PCDH8: variants seen among roughly 807,000 people sequenced by gnomAD.
PCDH8 encodes protocadherin-8.
PCDH8 carries 36 observed loss-of-function variants against 58.2 expected under a neutral mutation model. The ratio of observed to expected loss-of-function variants is 0.62; its 90% CI spans 0.47 to 0.82. The LOEUF (loss-of-function observed/expected upper bound fraction) is 0.82, where lower values mean the gene tolerates loss of function less well. Among genes scored for constraint, PCDH8 ranks in the 40% least tolerant of loss-of-function variants. The pLI is 0.00. For missense variants in PCDH8, 1,493 were observed against 1,567.8 expected, an observed-to-expected ratio of 0.95 and a Z score of 0.81; for synonymous variants, 775 against 728.9, an observed-to-expected ratio of 1.06 and a Z score of -1.02.
In PCDH8 at chr13:52,845,651, G is replaced by C; in HGVS notation, c.2632-19C>G. 6.2e-7 allele frequency: 1 copy of C among 1,612,694 alleles called. No individual in the cohort carries two copies. Among genetic ancestry groups the C allele is most frequent in the Non-Finnish European group, 8.5e-7 (1 of 1,179,400 alleles). ...CGTAGGGCTGCAGCAGGGAATAGGG[G>C]AATGGGAGTGGGGGGAGGGTTGGAT... On this transcript the variant is annotated intron_variant, in intron 1 of 2. Transcript: ENST00000377942.
rs1301047695 is a variant in PCDH8 at position 52,846,956 on chromosome 13, G to T, written c.1481C>A (p.Ala494Glu). 5.0e-6 allele frequency: 8 copies of T among 1,596,328 alleles called. No individual in the cohort carries two copies. The African/African-American group carries it at 9.4e-5, about 19-fold the overall frequency. ...ATAGACCGGCCGCGTGAAGAGCGGC[G>T]CGTTGTCGTTCTCGTCGCCCACACG... ...TVRVGDENDN[A>E]PLFTRPVYEV... The change falls in exon 1 of 3, where the codon GCG (alanine) becomes GAG (glutamate). Residue 494 changes from alanine to glutamate, a missense_variant. Ala to Glu is a moderately radical substitution (Grantham distance 107, BLOSUM62 -1). Coordinates refer to ENST00000377942, the MANE Select transcript of PCDH8 (RefSeq NM_002590.4).
In PCDH8 at chr13:52,844,623, G is replaced by A. The variant is rs748153769; in HGVS notation, c.3150C>T (p.Pro1050=). Residue 1050 remains proline (P), a synonymous_variant, in exon 3 of 3, where the codon CCC becomes CCT. Transcript: ENST00000377942. ...ACCTGCCAGGAGGGGACTGGTAGAG[G>A]GGTACTCCAATCTCCTGCAGGTCTG... is the stretch of plus-strand genomic sequence containing the variant. ...RLPDLQEIGV[P]LYQSPPGRYL... 1 of 1,613,244 alleles carries A rather than the reference G, an allele frequency of 6.2e-7. No homozygotes were observed. The highest frequency in any genetic ancestry group is 8.5e-7 in the Non-Finnish European group (1 of 1,179,442).
At position 52,847,885 on chromosome 13, in the gene PCDH8, C is replaced by T. The variant is rs1229746356; in HGVS notation, c.552G>A (p.Glu184=). ...GAGCGCCGTCCGCTCGCGTCTGCAG[C>T]TCCACGCGAAAGGGGCTGTGCGGCT... ...LAEPHSPFRV[E]LQTRADGAQC... is the part of the protein sequence containing the mutation. Residue 184 remains glutamate (E), a synonymous_variant, in exon 1 of 3, where the codon GAG becomes GAA. Coordinates refer to ENST00000377942, the MANE Select transcript of PCDH8 (RefSeq NM_002590.4). The T allele has an allele frequency of 1.3e-6, 2 of 1,551,034 alleles. No homozygotes were observed. The highest frequency in any genetic ancestry group is 1.7e-6 in the Non-Finnish European group (2 of 1,153,744).
At position 52,848,225 on chromosome 13, in the gene PCDH8, C is replaced by G. The variant is rs774233439; in HGVS notation, c.212G>C (p.Ser71Thr). Residue 71 changes from serine (S) to threonine (T), a missense_variant, in exon 1 of 3, where the codon AGC becomes ACC. Ser to Thr is a moderately conservative substitution (Grantham distance 58). This residue lies in a region of PCDH8 where 1,307 missense variants were observed against 1,362.7 expected (regional missense o/e 0.96). Transcript: ENST00000377942. ...GCCTTCGCGCACCCGGAGCAGAGAG[C>G]TGTTGAATTGCTTCATCAGGCGGAA... Reference protein sequence around the residue: ...TSFRLMKQFNSSLLRVREGDG... With the variant: ...TSFRLMKQFNTSLLRVREGDG... The G allele has an allele frequency of 6.2e-7, 1 of 1,613,534 alleles. No individual in the cohort carries two copies. The highest frequency in any genetic ancestry group is 8.5e-7 in the Non-Finnish European group (1 of 1,179,966).
Position 52,846,427 on chromosome 13 carries a change from C to G in PCDH8, c.2010G>C (p.Glu670Asp), listed in dbSNP as rs770952746. 32 of 1,600,098 alleles carry G rather than the reference C, an allele frequency of 2.0e-5. No individual in the cohort carries two copies. The highest frequency in any genetic ancestry group is 2.7e-5 in the Non-Finnish European group (32 of 1,179,206). Residue 670 changes from glutamate to aspartate, a missense_variant, in exon 1 of 3, where the codon GAG (glutamate) becomes GAC (aspartate). By Grantham distance (45) the Glu-to-Asp change is conservative. This residue lies in a region of PCDH8 where 1,307 missense variants were observed against 1,362.7 expected (regional missense o/e 0.96). Coordinates refer to ENST00000377942, the MANE Select transcript of PCDH8 (RefSeq NM_002590.4). The part of the protein sequence containing the change: ...EAFAIGRRTG[E>D]ILLTGDLSQE... ...GCGAGAGGTCGCCGGTGAGCAGTAT[C>G]TCCCCCGTGCGGCGGCCGATGGCGA...
chr13:52,845,021 G>A, intron 2 of PCDH8, 88 bp from the exon 3 acceptor site: 2 of 1,408,702 alleles, frequency 1.4e-6, no homozygotes, highest in Non-Finnish European at 1.9e-6. Flanking sequence ...GTCAGCCTGG[G>A]TCAGGGCAGC....
At position 52,845,038 on chromosome 13, in the gene PCDH8, G is replaced by C. The variant is rs1965708413; in HGVS notation, c.2840-105C>G. ...CAGCCTGGGTCAGGGCAGCTGAAAG[G>C]AAAGGCTGTGCGCATAGATATACAC... On this transcript the variant is annotated intron_variant, in intron 2 of 2. Transcript: ENST00000377942. 3 of 1,253,488 alleles carry C rather than the reference G, an allele frequency of 2.4e-6. No individual in the cohort carries two copies. The South Asian group carries it at 4.7e-5, about 20-fold the overall frequency. The allele number at this position is 1,253,488 out of a possible 1,614,324, so 77.6% of individuals were successfully genotyped here.
rs1390257559 is a variant in PCDH8, at chr13:52,846,556, G to T, written c.1881C>A (p.Thr627=). ...GSLEVAVPGR[T]AKDTVVARVQ... ...CACGGGCCACAACCGTGTCCTTTGC[G>T]GTGCGCCCAGGCACCGCCACTTCTA... is the stretch of plus-strand genomic sequence containing the variant. Residue 627 remains threonine, a synonymous_variant, in exon 1 of 3, where the codon ACC becomes ACA. Transcript: ENST00000377942. 3 of 1,602,282 alleles carry T rather than the reference G, an allele frequency of 1.9e-6. No homozygotes were observed. Among genetic ancestry groups the T allele is most frequent in the Non-Finnish European group, 2.5e-6 (3 of 1,178,748 alleles).
At position 52,844,819 on chromosome 13, in the gene PCDH8, G is replaced by A. The variant is rs777349184; in HGVS notation, c.2954C>T (p.Ser985Leu). The A allele has an allele frequency of 8.7e-6, 14 of 1,612,752 alleles. No individual in the cohort carries two copies. The Admixed American group carries it at 2.3e-4, about 27-fold the overall frequency. ...CAGTGACGTGCTCTTACAGAAGGTT[G>A]ACATCTGGGCTGGTGGGTGAGGCGA... is the stretch of plus-strand genomic sequence containing the variant. ...HPSPHPPAQM[S>L]TFCKSTSLPR... Residue 985 changes from serine to leucine, a missense_variant, in exon 3 of 3, where the codon TCA (serine) becomes TTA (leucine). Around this residue, in one of 3 missense-constraint regions of PCDH8, gnomAD observed 182 missense variants for 178.9 expected, o/e 1.02. Transcript: ENST00000377942.
chr13:52,844,369 T>A lies in PCDH8; in HGVS notation c.*191A>T. 1 of 461,662 alleles carries A rather than the reference T, an allele frequency of 2.2e-6. No homozygotes were observed. The highest frequency in any genetic ancestry group is 3.8e-6 in the Non-Finnish European group (1 of 264,916). 28.6% of individuals were successfully genotyped at this position (461,662 alleles called of 1,614,324 possible). A position where few individuals can be genotyped will look rare whatever the true frequency, so the allele number is the denominator to read the frequency against. On this transcript the variant is annotated 3_prime_UTR_variant, in exon 3 of 3. Transcript: ENST00000377942. ...TAAGAAAAATTAAATACTGCACACA[T>A]TTCATAAAAATTACATTAACTACAT...
In PCDH8 at chr13:52,843,882, ATAAT is replaced by A. The variant is rs1239026452; in HGVS notation, c.*674_*677del. 3 of 152,474 alleles carry A rather than the reference ATAAT, an allele frequency of 2.0e-5. No individual in the cohort carries two copies. The highest frequency in any genetic ancestry group is 1.9e-4 in the East Asian group (1 of 5,190). The allele number at this position is 152,474 out of a possible 1,614,324, so 9.4% of individuals were successfully genotyped here. ...TGTCATGAACATTAATAATGCCCAA[ATAAT>A]TAGCACTTGAAAGAAGGTTTCATTC... On this transcript the variant is annotated 3_prime_UTR_variant, in exon 3 of 3. Transcript: ENST00000377942.
chr13:52,848,486 T>G lies in PCDH8; in HGVS notation c.-50A>C. ...AAAGGCTAAGGAAGTCTTCTCTGGT[T>G]TCCAGGTCGGGCGTCAGTCTCAGGC... On this transcript the variant is annotated 5_prime_UTR_variant, in exon 1 of 3. Coordinates refer to ENST00000377942, the MANE Select transcript of PCDH8 (RefSeq NM_002590.4). 6.6e-7 allele frequency: 1 copy of G among 1,519,602 alleles called. No homozygotes were observed. Among genetic ancestry groups the G allele is most frequent in the Non-Finnish European group, 8.8e-7 (1 of 1,139,580 alleles). 94.1% of individuals were successfully genotyped at this position (1,519,602 alleles called of 1,614,324 possible).
rs899573288 is a variant in PCDH8 at position 52,847,993 on chromosome 13, C to G, written c.444G>C (p.Ala148=). Residue 148 remains alanine, a synonymous_variant, in exon 1 of 3, where the codon GCG becomes GCC. Coordinates refer to ENST00000377942, the MANE Select transcript of PCDH8 (RefSeq NM_002590.4). ...CCAAGGGGATGCGCGTGCCCACTGC[C>G]GCACCCTCGGACACCTCTACCGGGA... The part of the protein sequence containing the change: ...AQIPVEVSEG[A]AVGTRIPLEV... 1 of 1,610,668 alleles carries G rather than the reference C, an allele frequency of 6.2e-7. No homozygotes were observed. The highest frequency in any genetic ancestry group is 8.5e-7 in the Non-Finnish European group (1 of 1,178,176).
Position 52,848,014 on chromosome 13 carries a change from C to T in PCDH8, c.423G>A (p.Pro141=). 3 of 1,610,808 alleles carry T rather than the reference C, an allele frequency of 1.9e-6. No individual in the cohort carries two copies. Among genetic ancestry groups the T allele is most frequent in the Non-Finnish European group, 2.5e-6 (3 of 1,178,172 alleles). ...HAPRFPRAQI[P]VEVSEGAAVG... ...CTGCCGCACCCTCGGACACCTCTAC[C>T]GGGATCTGGGCCCTGGGGAAGCGCG... The change falls in exon 1 of 3, where the codon CCG becomes CCA. Residue 141 remains proline (P), a synonymous_variant. Coordinates refer to ENST00000377942, the MANE Select transcript of PCDH8 (RefSeq NM_002590.4).
chr13:52,846,478 C>A lies in PCDH8; in HGVS notation c.1959G>T (p.Leu653=). 6.3e-7 allele frequency: 1 copy of A among 1,598,306 alleles called. No homozygotes were observed. The highest frequency in any genetic ancestry group is 2.2e-5 in the East Asian group (1 of 44,794). ...EGANGELAFE[L]QQQEPREAFA... ...AGGCTTCGCGCGGCTCCTGCTGCTGCAGCTCGAACGCCAGCTCCCCGTTGG... is the reference window on the plus strand; with the variant it reads ...AGGCTTCGCGCGGCTCCTGCTGCTGAAGCTCGAACGCCAGCTCCCCGTTGG... Residue 653 remains leucine, a synonymous_variant, in exon 1 of 3, where the codon CTG becomes CTT. Transcript: ENST00000377942.
chr13:52,847,513 C>G lies in PCDH8; in HGVS notation c.924G>C (p.Leu308=). 1 of 1,585,092 alleles carries G rather than the reference C, an allele frequency of 6.3e-7. No homozygotes were observed. Among genetic ancestry groups the G allele is most frequent in the Non-Finnish European group, 8.5e-7 (1 of 1,172,300 alleles). Reference sequence around the variant, plus strand: ...GACGCTCGTAGTCCACGGGCCCGGCCAGGGTGAGGCGGCCTGATCGCGGGT... The same window carrying G: ...GACGCTCGTAGTCCACGGGCCCGGCGAGGGTGAGGCGGCCTGATCGCGGGT... ...RLDPRSGRLT[L]AGPVDYERQD... is the part of the protein sequence containing the mutation. Residue 308 remains leucine, a synonymous_variant, in exon 1 of 3, where the codon CTG becomes CTC. Coordinates refer to ENST00000377942, the MANE Select transcript of PCDH8 (RefSeq NM_002590.4).
chr13:52,845,628 T>A lies in PCDH8; in HGVS notation c.2636A>T (p.Tyr879Phe), dbSNP rs757652758. 1 of 1,613,618 alleles carries A rather than the reference T, an allele frequency of 6.2e-7. No individual in the cohort carries two copies. Among genetic ancestry groups the A allele is most frequent in the Non-Finnish European group, 8.5e-7 (1 of 1,179,954 alleles). The change falls in exon 2 of 3, where the codon TAC (tyrosine) becomes TTC (phenylalanine). Residue 879 changes from tyrosine (Y) to phenylalanine (F), a missense_variant. Tyr to Phe is a conservative substitution (Grantham distance 22). Transcript: ENST00000377942. The part of the protein sequence containing the change: ...QRLRGAHAEP[Y>F]GASPGFGKEP... ...CTTTCCAAAACCCGGGGAGGCACCG[T>A]AGGGCTGCAGCAGGGAATAGGGGAA...
Position 52,848,087 on chromosome 13 carries a change from C to T in PCDH8, c.350G>A (p.Arg117Gln), listed in dbSNP as rs1965774003. ...CACCTCTACCTCCACGTGCACCAGCCGGAACTGCTCCTGCGAGAAGCTGAC... is the reference window on the plus strand; with the variant it reads ...CACCTCTACCTCCACGTGCACCAGCTGGAACTGCTCCTGCGAGAAGCTGAC... ...DVVSFSQEQF[R>Q]LVHVEVEVRD... is the part of the protein sequence containing the mutation. Residue 117 changes from arginine (R) to glutamine (Q), a missense_variant, in exon 1 of 3, where the codon CGG (arginine) becomes CAG (glutamine). Transcript: ENST00000377942. 2 of 1,612,732 alleles carry T rather than the reference C, an allele frequency of 1.2e-6. No individual in the cohort carries two copies. Among genetic ancestry groups the T allele is most frequent in the South Asian group, 1.1e-5 (1 of 91,046 alleles).
In PCDH8 at chr13:52,847,347, C is replaced by A. The variant is rs752290702; in HGVS notation, c.1090G>T (p.Ala364Ser). The A allele has an allele frequency of 2.0e-6, 3 of 1,472,766 alleles. No individual in the cohort carries two copies. Among genetic ancestry groups the A allele is most frequent in the Non-Finnish European group, 2.7e-6 (3 of 1,117,780 alleles). The allele number at this position is 1,472,766 out of a possible 1,614,324, so 91.2% of individuals were successfully genotyped here. Residue 364 changes from alanine to serine, a missense_variant, in exon 1 of 3, where the codon GCG becomes TCG. Physicochemically the swap from Ala to Ser is moderately conservative, Grantham distance 99. Around this residue, in one of 3 missense-constraint regions of PCDH8, gnomAD observed 1,307 missense variants for 1,362.7 expected, o/e 0.96. Transcript: ENST00000377942. ...GCGGCGAAGGGTGAGGTTGCCGGCG[C>A]GCCTGGGGCGGCCAGCGGGGTGATG... Reference protein sequence around the residue: ...IAITPLAAPGAPATSPFAAAA... With the variant: ...IAITPLAAPGSPATSPFAAAA...
Sources: allele counts gnomAD v4.1 joint callset, GRCh38; gene constraint gnomAD v4.1.1; regional missense constraint gnomAD v4.1.1; transcripts MANE v1.5; gene names NCBI Gene and HGNC (gene_info 2026-07-23, HGNC 2026-07-21).